The following TFDP2 variants were observed in gnomAD, a reference collection of about 807,000 sequenced individuals.
TFDP2 encodes transcription factor Dp-2 (E2F dimerization partner 2).
TFDP2 carries 17 observed loss-of-function variants against 59.3 expected under a neutral mutation model. The ratio of observed to expected loss-of-function variants is 0.29; its 90% CI spans 0.20 to 0.43. The LOEUF (loss-of-function observed/expected upper bound fraction) is 0.43, where lower values mean the gene tolerates loss of function less well. Among genes scored for constraint, TFDP2 ranks in the 20% least tolerant of loss-of-function variants. TFDP2 has a pLI of 1.00. For synonymous variants in TFDP2, 180 were observed against 194.7 expected (o/e 0.92, Z 0.63); for missense variants, 391 against 528.8 (o/e 0.74, Z 2.56).
rs570537932 is a variant in TFDP2, at chr3:142,139,450, T to G, written c.-93+9733A>C. On this transcript the variant is annotated intron_variant, in intron 1 of 12. Coordinates refer to ENST00000489671, the MANE Select transcript of TFDP2 (RefSeq NM_001178139.2). ...ATTTTGCCTGTTAATTGATACAGTT[T>G]CTTCATAGCATTCATGGTCTTTAAA... 3.3e-5 allele frequency among the ~76,000 whole-genome samples: 5 copies of G among 152,340 alleles called. No homozygotes were observed. The South Asian group carries it at 1.0e-3, about 32-fold the overall frequency.
rs76378913 is a variant in TFDP2, at chr3:141,963,437, G to A, written c.884+375C>T. On this transcript the variant is annotated intron_variant, in intron 10 of 12. Coordinates refer to ENST00000489671, the MANE Select transcript of TFDP2 (RefSeq NM_001178139.2). ...CCACATGTTGACCTAAAATATTTCC[G>A]TAATAAACTATGACGGTGAATCACC... Among the ~76,000 whole-genome samples, 842 of 152,244 alleles carry A rather than the reference G, an allele frequency of 5.5e-3. 8 individuals carry two copies. The highest frequency in any genetic ancestry group is 0.019 in the African/African-American group (791 of 41,534).
At chr3:141,991,539 A>C (rs149438833) in intron 6 of TFDP2, among the ~76,000 whole-genome samples, 10 of 152,294 alleles carry the variant, frequency 6.6e-5, no homozygotes, top group Non-Finnish European at 1.3e-4. Flanking sequence ...TGGGTGGATC[A>C]CTTGAGGTGA....
At chr3:142,144,539 A>C (rs2063093657) in intron 1 of TFDP2, among the ~76,000 whole-genome samples, 1 of 151,812 alleles carries the variant, frequency 6.6e-6, no homozygotes, top group Admixed American at 6.6e-5. Context: ...ATTTATTCCT[A>C]TTTATTTATT....
At chr3:141,999,952 GTCTCGA>G (rs1943621982) in intron 4 of TFDP2, among the ~76,000 whole-genome samples, 1 of 152,060 alleles carries the variant, frequency 6.6e-6, no homozygotes, top group Non-Finnish European at 1.5e-5. Flanking sequence ...AGCCAGGATG[GTCTCGA>G]TCTCCTGACC....
At chr3:142,030,898 A>AGAG (rs1453875291) in intron 3 of TFDP2, among the ~76,000 whole-genome samples, 10 of 150,802 alleles carry the variant, frequency 6.6e-5, no homozygotes, top group Admixed American at 2.0e-4. Flanking sequence ...GCCCGCCACT[A>AGAG]CGCCCGGCTA....
chr3:142,097,520 T>C (rs989808992), intron 2 of TFDP2, among the ~76,000 whole-genome samples: 4 of 152,034 alleles, frequency 2.6e-5, no homozygotes, highest in African/African-American at 9.7e-5. Context: ...AGTGAGATCC[T>C]GTCCCTACAA....
intron 1 of TFDP2, among the ~76,000 whole-genome samples, chr3:142,129,785 A>G (rs2062425599): frequency 6.6e-6 from 1 of 152,022 alleles, no homozygotes; most frequent in Admixed American, 6.6e-5. Context: ...CAAAAAAATT[A>G]AAACTAGGCA....
At chr3:141,992,765 C>T (rs533906564) in intron 6 of TFDP2, among the ~76,000 whole-genome samples, 4 of 152,332 alleles carry the variant, frequency 2.6e-5, no homozygotes, top group African/African-American at 9.6e-5. Flanking sequence ...CCATGGTTCT[C>T]ACTCAGAACC....
intron 3 of TFDP2, among the ~76,000 whole-genome samples, chr3:142,063,179 T>C (rs1473055451): frequency 6.6e-6 from 1 of 152,202 alleles, no homozygotes; most frequent in Non-Finnish European, 1.5e-5. Flanking sequence ...AGAGAATATA[T>C]AGTAACAGTC....
intron 3 of TFDP2, among the ~76,000 whole-genome samples, chr3:142,075,870 G>A (rs2108564110): frequency 6.9e-6 from 1 of 145,976 alleles, no homozygotes. Context: ...TCATGTCACT[G>A]CACTCCAGCC....
intron 2 of TFDP2, among the ~76,000 whole-genome samples, chr3:142,099,001 T>A (rs1218117608): frequency 6.6e-6 from 1 of 152,214 alleles, no homozygotes; most frequent in Admixed American, 6.5e-5. Context: ...AAAGCATGGA[T>A]AAGACAAAAG....
At chr3:141,999,555 T>C (rs577249244) in intron 4 of TFDP2, among the ~76,000 whole-genome samples, 3 of 152,124 alleles carry the variant, frequency 2.0e-5, no homozygotes, top group Non-Finnish European at 2.9e-5. Flanking sequence ...AAAGGGCAAG[T>C]ATCTCAAACT....
intron 3 of TFDP2, among the ~76,000 whole-genome samples, chr3:142,014,139 A>G (rs146459045): frequency 3.9e-4 from 59 of 152,158 alleles, no homozygotes; most frequent in African/African-American, 1.3e-3. Flanking sequence ...GCCCAAAATA[A>G]AAGTGTTTGG....
intron 1 of TFDP2, among the ~76,000 whole-genome samples, chr3:142,128,580 G>A (rs1577049100): frequency 1.3e-5 from 2 of 152,006 alleles, no homozygotes; most frequent in African/African-American, 4.8e-5. Context: ...CTAAACAACT[G>A]AGGAAAATCT....
chr3:142,012,030 T>TG (rs61631645), intron 3 of TFDP2, among the ~76,000 whole-genome samples: 2 of 150,464 alleles, frequency 1.3e-5, no homozygotes, highest in Non-Finnish European at 3.0e-5. Flanking sequence ...TTTTTTTTTT[T>TG]GAGACAGAGT....
intron 3 of TFDP2, among the ~76,000 whole-genome samples, chr3:142,080,014 A>C (rs1399967535): frequency 1.3e-5 from 2 of 152,232 alleles, no homozygotes; most frequent in African/African-American, 4.8e-5. Flanking sequence ...CCCAGGCTGG[A>C]GTGCAGTGGC....
rs1404941505 is a variant in TFDP2 at position 141,963,864 on chromosome 3, T to C, written c.832A>G (p.Ile278Val). Residue 278 changes from isoleucine to valine, a missense_variant, in exon 10 of 13, where the codon ATC (isoleucine) becomes GTC (valine). Ile to Val is a conservative substitution (Grantham distance 29). Transcript: ENST00000489671. ...LNSTIQLPFI[I>V]INTSRKTVID... The stretch of plus-strand genomic sequence containing the variant: ...ACTGTTTTTCTGCTTGTATTGATGA[T>C]TATGAATGGCAGCTGAATGGTAGAG... 1 of 1,613,562 alleles carries C rather than the reference T, an allele frequency of 6.2e-7. No individual in the cohort carries two copies. The highest frequency in any genetic ancestry group is 8.5e-7 in the Non-Finnish European group (1 of 1,179,960).
At chr3:142,009,728 G>GAAAGAAAAAGAA (rs138856903) in intron 3 of TFDP2, among the ~76,000 whole-genome samples, 1 of 146,758 alleles carries the variant, frequency 6.8e-6, no homozygotes, top group African/African-American at 2.5e-5. Context: ...AAAAAAAAAA[G>GAAAGAAAAAGAA]AAAGAAAAAG....
chr3:141,959,762 C>T lies in TFDP2; in HGVS notation c.963G>A (p.Ser321=), dbSNP rs370141957. ...AGCATTTGCCTGACTCCAGGCCAAA[C>T]GACATTCCCATCCGCTTTAGTACTT... ...DIEVLKRMGM[S]FGLESGKCSL... is the part of the protein sequence containing the mutation. The change falls in exon 11 of 13, where the codon TCG becomes TCA. Residue 321 remains serine (S), a synonymous_variant. Coordinates refer to ENST00000489671, the MANE Select transcript of TFDP2 (RefSeq NM_001178139.2). 78 of 1,613,988 alleles carry T rather than the reference C, an allele frequency of 4.8e-5. No individual in the cohort carries two copies. Among genetic ancestry groups the T allele is most frequent in the South Asian group, 3.8e-4 (35 of 91,078 alleles).
Sources: allele counts gnomAD v4.1 joint callset (sites outside exome capture counted in the v4.1 genomes callset), GRCh38; gene constraint gnomAD v4.1.1; transcripts MANE v1.5; gene names NCBI Gene and HGNC (gene_info 2026-07-23, HGNC 2026-07-21).